PAM: variants seen among roughly 807,000 people sequenced by gnomAD.
PAM encodes the protein peptidylglycine alpha-amidating monooxygenase.
PAM carries 72 observed loss-of-function variants against 122.1 expected under a neutral mutation model. That is an observed-to-expected ratio of 0.59 (90% confidence interval 0.49 to 0.72). The LOEUF (loss-of-function observed/expected upper bound fraction) is 0.72, where lower values mean the gene tolerates loss of function less well. Among genes scored for constraint, PAM ranks in the 30% least tolerant of loss-of-function variants. The pLI, the probability that PAM is intolerant of heterozygous loss-of-function variation, is 0.00. For synonymous variants in PAM, 389 were observed against 404.4 expected (o/e 0.96, Z 0.46); for missense variants, 1,106 against 1,183.7 (o/e 0.93, Z 0.96).
At chr5:102,974,538 A>G (rs534275520) in intron 15 of PAM, 102 bp downstream of exon 15, 3 of 727,208 alleles carry the variant, frequency 4.1e-6, no homozygotes, top group Non-Finnish European at 6.8e-6. Context: ...AAATTCATCA[A>G]TGAAAAGGAC....
At chr5:103,027,941 CAG>C (rs1419800697) in intron 24 of PAM, among the ~76,000 whole-genome samples, 6 of 152,130 alleles carry the variant, frequency 3.9e-5, no homozygotes, top group African/African-American at 1.4e-4. Context: ...AACTGAAGCT[CAG>C]AGAAGTAATT....
intron 6 of PAM, 54 bp downstream of exon 6, chr5:102,925,096 C>CAAAGGACTATAATGA: frequency 1.1e-6 from 1 of 888,558 alleles, no homozygotes; most frequent in Non-Finnish European, 1.9e-6. Flanking sequence ...TTTCTGTTTC[C>CAAAGGACTATAATGA]AAAGTACTTT....
At chr5:102,941,394 G>GAATTGTTTTTGAA (rs1561967908) in intron 7 of PAM, among the ~76,000 whole-genome samples, 1 of 152,228 alleles carries the variant, frequency 6.6e-6, no homozygotes, top group Non-Finnish European at 1.5e-5. Flanking sequence ...GCTTCAAAAG[G>GAATTGTTTTTGAA]AATTGTTTTT....
intron 3 of PAM, among the ~76,000 whole-genome samples, chr5:102,874,107 G>T (rs1369254628): frequency 6.6e-6 from 1 of 152,114 alleles, no homozygotes; most frequent in Non-Finnish European, 1.5e-5. Context: ...TAATAGCAAA[G>T]AAAATAGCAT....
In PAM at chr5:102,990,407, T is replaced by G. The variant is rs1458367203; in HGVS notation, c.1613+6T>G. The G allele has an allele frequency of 6.4e-7, 1 of 1,567,228 alleles. No homozygotes were observed. On this transcript the variant is annotated splice_donor_region_variant and intron_variant, in intron 16 of 25. Transcript: ENST00000438793. ...GACCATGTCTGGGATGGAAAGTAAG[T>G]AATATTTTTTCTTCAATAAGCAAAT... is the stretch of plus-strand genomic sequence containing the variant.
At chr5:102,948,777 T>C (rs1273160343) in intron 9 of PAM, among the ~76,000 whole-genome samples, 1 of 152,090 alleles carries the variant, frequency 6.6e-6, no homozygotes, top group East Asian at 1.9e-4. Context: ...AGCAGTGACA[T>C]AAACTTCTAC....
chr5:102,794,742 T>C (rs941817825), intron 1 of PAM, among the ~76,000 whole-genome samples: 2 of 152,194 alleles, frequency 1.3e-5, no homozygotes, highest in African/African-American at 4.8e-5. Context: ...CTAATTTTTT[T>C]GTTTGATGAC....
At chr5:102,984,621 G>A (rs1422339135) in intron 15 of PAM, among the ~76,000 whole-genome samples, 1 of 152,162 alleles carries the variant, frequency 6.6e-6, no homozygotes, top group African/African-American at 2.4e-5. Flanking sequence ...TAAAGGGTGA[G>A]ATAGACTCCA....
chr5:102,788,346 G>A lies in PAM; in HGVS notation c.-374+32998G>A, dbSNP rs559526136. 6.6e-5 allele frequency among the ~76,000 whole-genome samples: 10 copies of A among 152,116 alleles called. No homozygotes were observed. The Middle Eastern group carries it at 0.01, about 155-fold the overall frequency. ...ATGAAGGTGGCAGTGAGTTATTACG[G>A]TCTTTACTTTGTCAGAAAGACTTTA... On this transcript the variant is annotated intron_variant, in intron 1 of 25. Transcript: ENST00000438793.
rs77469269 is a variant in PAM at position 102,893,416 on chromosome 5, A to C, written c.211-7940A>C. ...TAACAGAATGCTTGCTGGGGAACCA[A>C]ATATGATTTATGTGGGAGAGGAATG... On this transcript the variant is annotated intron_variant, in intron 3 of 25. Transcript: ENST00000438793. 3.5e-3 allele frequency among the ~76,000 whole-genome samples: 526 copies of C among 151,850 alleles called. 5 individuals are homozygous for C. The highest frequency in any genetic ancestry group is 0.014 in the Admixed American group (210 of 15,200).
chr5:102,865,092 G>A (rs1045924577), intron 1 of PAM, among the ~76,000 whole-genome samples: 2 of 152,042 alleles, frequency 1.3e-5, no homozygotes, highest in East Asian at 1.9e-4. Context: ...TCCAAACTTA[G>A]GAAAGGATAT....
At chr5:102,781,207 C>T (rs1758860433) in intron 1 of PAM, among the ~76,000 whole-genome samples, 1 of 152,062 alleles carries the variant, frequency 6.6e-6, no homozygotes, top group Non-Finnish European at 1.5e-5. Context: ...TTAATAATTA[C>T]TCATTTTTTT....
In PAM at chr5:103,017,451, T is replaced by C; in HGVS notation, c.2431+18T>C. 7.0e-7 allele frequency: 1 copy of C among 1,429,816 alleles called. No homozygotes were observed. The highest frequency in any genetic ancestry group is 9.8e-7 in the Non-Finnish European group (1 of 1,015,540). The allele number at this position is 1,429,816 out of a possible 1,614,324, so 88.6% of individuals were successfully genotyped here. Reference sequence around the variant, plus strand: ...GACTGAGAGTATGGTTTTCACAGTATTATTGTTCACATTTTCCCTCAGTTT... The same window carrying C: ...GACTGAGAGTATGGTTTTCACAGTACTATTGTTCACATTTTCCCTCAGTTT... On this transcript the variant is annotated intron_variant, in intron 22 of 25. Transcript: ENST00000438793.
At chr5:102,916,878 G>A (rs778583147) in intron 5 of PAM, among the ~76,000 whole-genome samples, 6 of 151,206 alleles carry the variant, frequency 4.0e-5, no homozygotes, top group Non-Finnish European at 5.9e-5. Context: ...GACTACAGGC[G>A]CGTGCCACCA....
intron 1 of PAM, among the ~76,000 whole-genome samples, chr5:102,788,605 TAATTTTTGTTAAGTATAGTGG>T (rs1337409117): frequency 4.6e-5 from 7 of 152,098 alleles, no homozygotes; most frequent in Admixed American, 4.6e-4. Context: ...CCTCACAAAT[TAATTTTTGTTAAGTATAGTGG>T]AATCCTTTTT....
chr5:102,958,556 T>A (rs1343536515), intron 12 of PAM, among the ~76,000 whole-genome samples: 4 of 152,154 alleles, frequency 2.6e-5, no homozygotes, highest in Admixed American at 6.6e-5. Flanking sequence ...AGTGAACAGA[T>A]GTTTGTTTGG....
chr5:103,003,705 T>A (rs1778096321), intron 17 of PAM, among the ~76,000 whole-genome samples: 1 of 152,122 alleles, frequency 6.6e-6, no homozygotes, highest in Admixed American at 6.6e-5. Context: ...GTAATATATA[T>A]CTTACATACT....
chr5:102,886,422 T>C (rs1793112029), intron 3 of PAM, among the ~76,000 whole-genome samples: 2 of 151,984 alleles, frequency 1.3e-5, no homozygotes, highest in African/African-American at 4.8e-5. Context: ...TTAACAAGAC[T>C]GAAATGATTT....
intron 10 of PAM, 123 bp from the exon 11 acceptor site, chr5:102,949,779 G>A (rs1229662478): frequency 4.4e-6 from 3 of 684,260 alleles, no homozygotes; most frequent in Non-Finnish European, 7.7e-6. Context: ...GTTTTTTTAA[G>A]ATACTCAGTC....
Sources: allele counts gnomAD v4.1 joint callset (sites outside exome capture counted in the v4.1 genomes callset), GRCh38; gene constraint gnomAD v4.1.1; transcripts MANE v1.5; gene names NCBI Gene and HGNC (gene_info 2026-07-23, HGNC 2026-07-21).